Variants in ROBO1 observed in about 807,000 individuals in gnomAD.
The protein encoded by ROBO1 is roundabout homolog 1.
ROBO1 carries 149 observed loss-of-function variants against 195.9 expected under a neutral mutation model. The ratio of observed to expected loss-of-function variants is 0.76; its 90% CI spans 0.67 to 0.87. ROBO1 has a LOEUF of 0.87. Among genes scored for constraint, ROBO1 ranks in the 40% least tolerant of loss-of-function variants. The probability of loss-of-function intolerance (pLI) is 0.00; values close to 1 mark genes in which losing one functional copy is unlikely to be tolerated. For synonymous variants in ROBO1, 816 were observed against 733.2 expected, an observed-to-expected ratio of 1.11 and a Z score of -1.82; for missense variants, 1,933 against 2,068.3, an observed-to-expected ratio of 0.93 and a Z score of 1.27.
chr3:78,805,426 T>C (rs931763039), intron 4 of ROBO1, among the ~76,000 whole-genome samples: 4 of 152,288 alleles, frequency 2.6e-5, no homozygotes, highest in Non-Finnish European at 4.4e-5. Flanking sequence ...TAATTACTTA[T>C]ACATAAACGT....
At chr3:78,822,438 C>T (rs1324301981) in intron 4 of ROBO1, among the ~76,000 whole-genome samples, 2 of 152,102 alleles carry the variant, frequency 1.3e-5, no homozygotes, top group Admixed American at 1.3e-4. Flanking sequence ...ATATTAGGCA[C>T]TCTGAGAAAG....
At chr3:79,286,828 T>C (rs1290492839) in intron 2 of ROBO1, among the ~76,000 whole-genome samples, 4 of 152,198 alleles carry the variant, frequency 2.6e-5, no homozygotes, top group Admixed American at 6.5e-5. Flanking sequence ...ATTTTATAAA[T>C]TCCAGATAAA....
At chr3:78,695,715 T>C (rs1209409141) in intron 8 of ROBO1, among the ~76,000 whole-genome samples, 2 of 151,598 alleles carry the variant, frequency 1.3e-5, no homozygotes, top group African/African-American at 2.4e-5. Context: ...TCAGCTAACA[T>C]GGAAGCTTCT....
intron 10 of ROBO1, among the ~76,000 whole-genome samples, chr3:78,682,735 CATAT>C (rs1255831996): frequency 2.0e-5 from 3 of 146,806 alleles, no homozygotes; most frequent in Non-Finnish European, 4.5e-5. Context: ...ACATAAAAAT[CATAT>C]ATATTATATA....
chr3:78,937,265 TA>T (rs2039864466), intron 4 of ROBO1, among the ~76,000 whole-genome samples: 1 of 151,972 alleles, frequency 6.6e-6, no homozygotes, highest in Admixed American at 6.6e-5. Flanking sequence ...TATAATTTTA[TA>T]ATTATATCAA....
intron 2 of ROBO1, among the ~76,000 whole-genome samples, chr3:79,583,471 C>T (rs2107795862): frequency 6.6e-6 from 1 of 151,604 alleles, no homozygotes; most frequent in South Asian, 2.1e-4. Context: ...TAATCTCTGC[C>T]CATTTATTCA....
At chr3:79,399,846 T>G (rs2037297195) in intron 2 of ROBO1, among the ~76,000 whole-genome samples, 1 of 152,144 alleles carries the variant, frequency 6.6e-6, no homozygotes, top group Non-Finnish European at 1.5e-5. Context: ...TGAAATACAC[T>G]GAGATTGTTC....
At chr3:78,598,968 TAAG>T (rs750096911) in intron 30 of ROBO1, 41 bp from the exon 31 acceptor site, 3 of 1,355,116 alleles carry the variant, frequency 2.2e-6, no homozygotes, top group South Asian at 1.4e-5. Context: ...AAATAAATCT[TAAG>T]AGGATTGTGT....
In ROBO1 at chr3:78,598,052, C is replaced by T. The variant is rs1702943447; in HGVS notation, c.*861G>A. On this transcript the variant is annotated 3_prime_UTR_variant, in exon 31 of 31. Transcript: ENST00000464233. ...CTTCTGAAAGTTGAACTGACACTACCAGAAGAAATTTAGGCCAGTTAAGAC... is the reference window on the plus strand; with the variant it reads ...CTTCTGAAAGTTGAACTGACACTACTAGAAGAAATTTAGGCCAGTTAAGAC... 6.6e-6 allele frequency: 1 copy of T among 152,060 alleles called. No homozygotes were observed. The highest frequency in any genetic ancestry group is 1.5e-5 in the Non-Finnish European group (1 of 67,934). 9.4% of individuals were successfully genotyped at this position (152,060 alleles called of 1,614,324 possible). A position where few individuals can be genotyped will look rare whatever the true frequency, so the allele number is the denominator to read the frequency against.
chr3:79,100,685 T>C (rs1273034196), intron 3 of ROBO1, among the ~76,000 whole-genome samples: 1 of 151,818 alleles, frequency 6.6e-6, no homozygotes, highest in Non-Finnish European at 1.5e-5. Flanking sequence ...CAAACATCCA[T>C]TTGAAAGCAT....
chr3:78,820,880 T>TA (rs200624434), intron 4 of ROBO1, among the ~76,000 whole-genome samples: 84 of 149,044 alleles, frequency 5.6e-4, no homozygotes, highest in Non-Finnish European at 6.0e-4. Flanking sequence ...TCAAGAATGT[T>TA]AAAAAAAAAA....
intron 2 of ROBO1, among the ~76,000 whole-genome samples, chr3:79,399,942 C>G (rs909366366): frequency 6.6e-6 from 1 of 152,072 alleles, no homozygotes; most frequent in Non-Finnish European, 1.5e-5. Context: ...ATTGCTGATT[C>G]GCTCACACTA....
chr3:78,897,475 T>A (rs1458897640), intron 4 of ROBO1, among the ~76,000 whole-genome samples: 1 of 152,210 alleles, frequency 6.6e-6, no homozygotes, highest in Non-Finnish European at 1.5e-5. Context: ...TCGGTAGATA[T>A]GTTCATCAGT....
intron 1 of ROBO1, among the ~76,000 whole-genome samples, chr3:79,623,011 G>T (rs1161844707): frequency 3.9e-5 from 6 of 152,112 alleles, no homozygotes; most frequent in Non-Finnish European, 7.4e-5. Context: ...GACATCTCCA[G>T]GTGCAAGAGC....
chr3:79,195,185 A>G (rs2081612069), intron 2 of ROBO1, among the ~76,000 whole-genome samples: 1 of 151,604 alleles, frequency 6.6e-6, no homozygotes, highest in South Asian at 2.1e-4. Context: ...GTACTGTCAT[A>G]AGAAAAATGG....
At chr3:79,610,734 C>A (rs192032525) in intron 1 of ROBO1, among the ~76,000 whole-genome samples, 1 of 151,952 alleles carries the variant, frequency 6.6e-6, no homozygotes, top group East Asian at 1.9e-4. Context: ...TGTCAGAAAC[C>A]CAGCTCAACT....
intron 10 of ROBO1, among the ~76,000 whole-genome samples, chr3:78,678,853 C>G (rs1708607328): frequency 6.6e-6 from 1 of 152,062 alleles, no homozygotes; most frequent in South Asian, 2.1e-4. Flanking sequence ...GATACCAAAG[C>G]CGGGCAGAGA....
intron 2 of ROBO1, among the ~76,000 whole-genome samples, chr3:79,586,270 T>A (rs1485541347): frequency 6.6e-6 from 1 of 151,980 alleles, no homozygotes; most frequent in African/African-American, 2.4e-5. Context: ...GGAATTCTTT[T>A]CACAATTTAT....
intron 4 of ROBO1, among the ~76,000 whole-genome samples, chr3:78,881,563 C>T (rs148445855): frequency 1.4e-3 from 218 of 152,228 alleles, no homozygotes; most frequent in Non-Finnish European, 2.2e-3. Context: ...TATATAAGTA[C>T]TTTGTTTTAT....
Sources: allele counts gnomAD v4.1 joint callset (sites outside exome capture counted in the v4.1 genomes callset), GRCh38; gene constraint gnomAD v4.1.1; transcripts MANE v1.5; gene names NCBI Gene and HGNC (gene_info 2026-07-23, HGNC 2026-07-21).